The following FHIP1A variants were observed in gnomAD, a reference collection of about 807,000 sequenced individuals.
FHIP1A encodes FHF complex subunit HOOK-interacting protein 1A.
Under a neutral mutation model 88.6 loss-of-function variants are expected in FHIP1A, and 61 were observed. That is an observed-to-expected ratio of 0.69 (90% confidence interval 0.56 to 0.85). The LOEUF (loss-of-function observed/expected upper bound fraction) is 0.85, where lower values mean the gene tolerates loss of function less well. Among genes scored for constraint, FHIP1A ranks in the 40% least tolerant of loss-of-function variants. The probability of loss-of-function intolerance (pLI) is 0.00; values close to 1 mark genes in which losing one functional copy is unlikely to be tolerated. For missense variants in FHIP1A, 1,154 were observed against 1,273.5 expected (o/e 0.91, Z 1.43); for synonymous variants, 478 against 496.0 (o/e 0.96, Z 0.48).
chr4:151,491,654 G>A (rs1057389340), intron 3 of FHIP1A, among the ~76,000 whole-genome samples: 15 of 151,746 alleles, frequency 9.9e-5, no homozygotes, highest in Non-Finnish European at 1.8e-4. Context: ...CAATACTAAC[G>A]TTGAGCGTAA....
At chr4:151,655,572 T>C (rs539954451) in intron 11 of FHIP1A, among the ~76,000 whole-genome samples, 1 of 152,308 alleles carries the variant, frequency 6.6e-6, no homozygotes, top group African/African-American at 2.4e-5. Context: ...AAAATTCACG[T>C]GTGGTTACCG....
At chr4:151,540,166 T>C (rs1178671484) in intron 3 of FHIP1A, among the ~76,000 whole-genome samples, 1 of 152,244 alleles carries the variant, frequency 6.6e-6, no homozygotes, top group Admixed American at 6.5e-5. Context: ...TAGGAACATA[T>C]GTGTCATTTT....
At chr4:151,652,027 G>A (rs1395793983) in intron 11 of FHIP1A, among the ~76,000 whole-genome samples, 2 of 152,194 alleles carry the variant, frequency 1.3e-5, no homozygotes, top group Non-Finnish European at 2.9e-5. Context: ...AACTTAGCAT[G>A]TCACAGCTTG....
At position 151,577,975 on chromosome 4, in the gene FHIP1A, G is replaced by A; in HGVS notation, c.631G>A (p.Val211Ile). ...LIPFIHREGS[V>I]GQQARDALLF... is the part of the protein sequence containing the mutation. ...TCCCTTCATTCACCGAGAGGGGTCA[G>A]TAGGCCAGCAAGCTCGGGATGCATT... The change falls in exon 5 of 14, where the codon GTA becomes ATA. Residue 211 changes from valine (V) to isoleucine (I), a missense_variant. By Grantham distance (29) the Val-to-Ile change is conservative. Coordinates refer to ENST00000435205, the MANE Select transcript of FHIP1A (RefSeq NM_001109977.3). The A allele has an allele frequency of 6.4e-7, 1 of 1,551,308 alleles. No individual in the cohort carries two copies. The highest frequency in any genetic ancestry group is 1.2e-5 in the South Asian group (1 of 84,010).
chr4:151,439,355 A>G (rs1295194251), intron 1 of FHIP1A, among the ~76,000 whole-genome samples: 1 of 152,116 alleles, frequency 6.6e-6, no homozygotes, highest in East Asian at 1.9e-4. Context: ...AGTGCTATAT[A>G]AGTGTTTGCT....
At chr4:151,449,373 G>T (rs562247798) in intron 1 of FHIP1A, among the ~76,000 whole-genome samples, 2 of 151,954 alleles carry the variant, frequency 1.3e-5, no homozygotes, top group African/African-American at 4.8e-5. Flanking sequence ...TGTTGGAGGT[G>T]GCATCTTAAA....
At chr4:151,472,602 T>G (rs1170448907) in intron 2 of FHIP1A, among the ~76,000 whole-genome samples, 2 of 150,058 alleles carry the variant, frequency 1.3e-5, no homozygotes, top group African/African-American at 4.9e-5. Flanking sequence ...AATAGTGGAA[T>G]TTTTTCCTCT....
intron 3 of FHIP1A, among the ~76,000 whole-genome samples, chr4:151,551,857 G>A (rs1251465684): frequency 1.3e-5 from 2 of 151,876 alleles, no homozygotes; most frequent in East Asian, 1.9e-4. Context: ...ACTAAAGAGT[G>A]CACAGCAAAA....
At chr4:151,458,220 G>GT (rs1729031159) in intron 2 of FHIP1A, among the ~76,000 whole-genome samples, 1 of 152,210 alleles carries the variant, frequency 6.6e-6, no homozygotes, top group South Asian at 2.1e-4. Flanking sequence ...TCTGTGATGT[G>GT]TTTTGCTTTT....
chr4:151,590,380 G>A (rs989813234), intron 7 of FHIP1A, among the ~76,000 whole-genome samples: 2 of 152,036 alleles, frequency 1.3e-5, no homozygotes, highest in Non-Finnish European at 1.5e-5. Context: ...GCACACTTTA[G>A]TGTTACAGAC....
intron 2 of FHIP1A, among the ~76,000 whole-genome samples, chr4:151,457,685 C>G (rs1189623013): frequency 6.6e-6 from 1 of 152,108 alleles, no homozygotes; most frequent in African/African-American, 2.4e-5. Flanking sequence ...TACTGTCTGG[C>G]TGCCCTAGTT....
intron 8 of FHIP1A, among the ~76,000 whole-genome samples, chr4:151,635,659 A>G (rs1158485102): frequency 1.3e-5 from 2 of 151,898 alleles, no homozygotes; most frequent in Non-Finnish European, 2.9e-5. Flanking sequence ...GATTCCACTC[A>G]TGTAAGGGAT....
chr4:151,478,037 G>A (rs998078823), intron 2 of FHIP1A, among the ~76,000 whole-genome samples: 1 of 152,010 alleles, frequency 6.6e-6, no homozygotes, highest in Non-Finnish European at 1.5e-5. Context: ...CTTATTACAT[G>A]CATGAGAAAA....
chr4:151,512,748 G>C (rs1488460778), intron 3 of FHIP1A, among the ~76,000 whole-genome samples: 1 of 152,050 alleles, frequency 6.6e-6, no homozygotes, highest in African/African-American at 2.4e-5. Context: ...GGGAAGTTTA[G>C]AGAAAAAAGA....
chr4:151,489,962 T>C (rs894565491), intron 3 of FHIP1A, among the ~76,000 whole-genome samples: 2 of 152,308 alleles, frequency 1.3e-5, no homozygotes, highest in East Asian at 3.9e-4. Context: ...AGAGCACTTA[T>C]CTTTGCCTAT....
chr4:151,527,882 A>G (rs773987161), intron 3 of FHIP1A, among the ~76,000 whole-genome samples: 19 of 147,688 alleles, frequency 1.3e-4, no homozygotes, highest in Non-Finnish European at 2.3e-4. Context: ...AAACCACTCA[A>G]TGAAGTTGGT....
intron 3 of FHIP1A, among the ~76,000 whole-genome samples, chr4:151,526,556 G>A (rs1731657106): frequency 6.9e-6 from 1 of 144,364 alleles, no homozygotes; most frequent in Non-Finnish European, 1.5e-5. Context: ...CCCAGTAGGG[G>A]CGGCCGGGCA....
At chr4:151,579,730 G>T (rs72728193) in intron 5 of FHIP1A, among the ~76,000 whole-genome samples, 2 of 152,140 alleles carry the variant, frequency 1.3e-5, no homozygotes, top group African/African-American at 2.4e-5. Flanking sequence ...TGTAGATAGT[G>T]TATAGATGAG....
intron 3 of FHIP1A, among the ~76,000 whole-genome samples, chr4:151,505,948 G>C (rs1320394923): frequency 3.3e-5 from 5 of 152,036 alleles, no homozygotes; most frequent in Non-Finnish European, 7.4e-5. Context: ...CTTGAGATAG[G>C]GTCTTGCTCT....
Sources: allele counts gnomAD v4.1 joint callset (sites outside exome capture counted in the v4.1 genomes callset), GRCh38; gene constraint gnomAD v4.1.1; transcripts MANE v1.5; gene names NCBI Gene and HGNC (gene_info 2026-07-23, HGNC 2026-07-21).